CRACD: variants seen among roughly 807,000 people sequenced by gnomAD.
CRACD encodes capping protein inhibiting regulator of actin dynamics, also known as capping protein-inhibiting regulator of actin dynamics.
CRACD carries 56 observed loss-of-function variants against 106.8 expected under a neutral mutation model. The observed-to-expected ratio is 0.52, with a 90% CI of 0.42 to 0.66. The LOEUF is 0.66. CRACD is among the 30% of genes least tolerant of loss of function. The pLI is 0.00. For synonymous variants in CRACD, 754 were observed against 670.8 expected (o/e 1.12, Z -1.92); for missense variants, 1,730 against 1,623.2 (o/e 1.07, Z -1.13).
rs376992703 is a variant in CRACD at position 56,185,148 on chromosome 4, A to G, written c.-189+5718A>G. The stretch of plus-strand genomic sequence containing the variant: ...ATTTTTTTATATTTTTAGTAGAGAC[A>G]GGGTTTCACTGTGTTAGCCAGGATG... On this transcript the variant is annotated intron_variant, in intron 2 of 10. Transcript: ENST00000682029. Among the ~76,000 whole-genome samples the G allele has an allele frequency of 1.1e-3, 162 of 152,116 alleles. No individual in the cohort carries two copies. In the Middle Eastern group the frequency reaches 0.017, roughly 16 times the overall value.
chr4:56,323,278 A>G (rs1042525379), intron 8 of CRACD, 99 bp from the exon 9 acceptor site: 2 of 1,054,760 alleles, frequency 1.9e-6, no homozygotes, highest in Non-Finnish European at 2.8e-6. Flanking sequence ...TGAATATGCC[A>G]TAGGGTTATT....
Position 56,313,347 on chromosome 4 carries a change from A to G in CRACD, c.505A>G (p.Arg169Gly), listed in dbSNP as rs1745280375. The change falls in exon 7 of 11, where the codon AGG becomes GGG. Residue 169 changes from arginine to glycine, a missense_variant. Physicochemically the swap from Arg to Gly is moderately radical, Grantham distance 125. This residue lies in a region of CRACD where 1,620 missense variants were observed against 1,481.6 expected (regional missense o/e 1.09). Transcript: ENST00000682029. ...GCTGGCTGTTAAGCCAAAAAAACAG[A>G]GGGTGTCAAAGAAGCACAGGCGCCT... is the stretch of plus-strand genomic sequence containing the variant. ...HKLAVKPKKQ[R>G]VSKKHRRLAQ... 6.2e-7 allele frequency: 1 copy of G among 1,613,996 alleles called. No individual in the cohort carries two copies. Among genetic ancestry groups the G allele is most frequent in the African/African-American group, 1.3e-5 (1 of 74,934 alleles).
At position 56,315,224 on chromosome 4, in the gene CRACD, G is replaced by A; in HGVS notation, c.1722G>A (p.Lys574=). 6.3e-7 allele frequency: 1 copy of A among 1,595,444 alleles called. No individual in the cohort carries two copies. Among genetic ancestry groups the A allele is most frequent in the South Asian group, 1.1e-5 (1 of 88,624 alleles). The change falls in exon 8 of 11, where the codon AAG becomes AAA. Residue 574 remains lysine (K), a synonymous_variant. Coordinates refer to ENST00000682029, the MANE Select transcript of CRACD (RefSeq NM_001393381.1). This position sits in a 1 kb window ranked among gnomAD's most constrained non-coding sequence, Gnocchi z 4.1. ...TGLTAAPQEP[K]APKASPVQHA... ...TCACCGCTGCTCCCCAGGAACCAAA[G>A]GCCCCCAAAGCCAGCCCAGTCCAGC...
chr4:56,177,058 C>G (rs1015627743), intron 1 of CRACD, among the ~76,000 whole-genome samples: 1 of 152,006 alleles, frequency 6.6e-6, no homozygotes, highest in Non-Finnish European at 1.5e-5. Flanking sequence ...ATTTCCTTTT[C>G]TTGTCTAATT....
intron 3 of CRACD, among the ~76,000 whole-genome samples, chr4:56,284,916 C>T (rs142334449): frequency 1.3e-5 from 2 of 152,260 alleles, no homozygotes; most frequent in Non-Finnish European, 1.5e-5. Flanking sequence ...AAGGTTTGAG[C>T]TGGATCTCAA....
At chr4:56,164,010 G>C (rs1736051885) in intron 1 of CRACD, among the ~76,000 whole-genome samples, 1 of 152,202 alleles carries the variant, frequency 6.6e-6, no homozygotes, top group Non-Finnish European at 1.5e-5. Flanking sequence ...GCCTCCCAAA[G>C]TGCTGGGATT....
At chr4:56,176,073 A>C (rs1736571725) in intron 1 of CRACD, among the ~76,000 whole-genome samples, 1 of 152,078 alleles carries the variant, frequency 6.6e-6, no homozygotes, top group Non-Finnish European at 1.5e-5. Flanking sequence ...CCTTTGTTGA[A>C]AATTATTTTG....
chr4:56,203,879 C>T (rs1311241577), intron 2 of CRACD, among the ~76,000 whole-genome samples: 1 of 152,218 alleles, frequency 6.6e-6, no homozygotes, highest in South Asian at 2.1e-4. Context: ...CTGAGTTCAT[C>T]TAGTACCTGC....
intron 3 of CRACD, among the ~76,000 whole-genome samples, chr4:56,292,528 A>AT (rs879473883): frequency 2.0e-3 from 286 of 145,932 alleles, no homozygotes; most frequent in South Asian, 5.9e-3. Context: ...CAGCCTCTAA[A>AT]TTTTTTTTTT....
intron 1 of CRACD, among the ~76,000 whole-genome samples, chr4:56,175,617 G>A (rs1455266611): frequency 2.0e-5 from 3 of 152,036 alleles, no homozygotes; most frequent in African/African-American, 7.2e-5. Flanking sequence ...ATCCTCTTTT[G>A]CCATTTTTAA....
chr4:56,208,368 T>C (rs1738231955), intron 2 of CRACD, among the ~76,000 whole-genome samples: 1 of 152,186 alleles, frequency 6.6e-6, no homozygotes, highest in Non-Finnish European at 1.5e-5. Context: ...CTCCAGGTTC[T>C]AGATTGTGAA....
In CRACD at chr4:56,131,309, T is replaced by C. The variant is rs150780978; in HGVS notation, c.-335-47975T>C. Among the ~76,000 whole-genome samples the C allele has an allele frequency of 4.5e-3, 682 of 152,326 alleles. 19 individuals carry two copies. In the East Asian group the frequency reaches 0.065, roughly 14 times the overall value. ...ATTTTACAAAGTTGTAGAGTTTGAA[T>C]GGGTTGACCTAATGTGCCACAGAAT... On this transcript the variant is annotated intron_variant, in intron 1 of 10. Coordinates refer to ENST00000682029, the MANE Select transcript of CRACD (RefSeq NM_001393381.1).
chr4:56,250,174 C>T (rs573239833), intron 2 of CRACD, among the ~76,000 whole-genome samples: 1 of 151,972 alleles, frequency 6.6e-6, no homozygotes, highest in Admixed American at 6.5e-5. Context: ...TTCTCCTTTC[C>T]CTTCTTTTCT....
chr4:56,104,373 G>A (rs1425654107), intron 1 of CRACD, among the ~76,000 whole-genome samples: 2 of 151,704 alleles, frequency 1.3e-5, no homozygotes, highest in East Asian at 2.0e-4. Flanking sequence ...TAGCCTGGGC[G>A]ACAGAGAGAG....
intron 3 of CRACD, among the ~76,000 whole-genome samples, chr4:56,282,399 G>A (rs969479617): frequency 6.6e-6 from 1 of 152,160 alleles, no homozygotes; most frequent in Non-Finnish European, 1.5e-5. Flanking sequence ...TCCCTCTGTA[G>A]GCTCACACTC....
chr4:56,099,160 C>T lies in CRACD; in HGVS notation c.-336+49861C>T, dbSNP rs149490596. 2.3e-3 allele frequency among the ~76,000 whole-genome samples: 348 copies of T among 152,230 alleles called. 2 individuals carry two copies. Among genetic ancestry groups the T allele is most frequent in the African/African-American group, 8.0e-3 (334 of 41,542 alleles). ...GAATAATCAAAGTTTATTTTGAAAA[C>T]TTTGTCTTTCAAGAGTATTGTAGCT... On this transcript the variant is annotated intron_variant, in intron 1 of 10. Coordinates refer to ENST00000682029, the MANE Select transcript of CRACD (RefSeq NM_001393381.1).
intron 2 of CRACD, among the ~76,000 whole-genome samples, chr4:56,223,749 G>A (rs1739164940): frequency 6.6e-6 from 1 of 152,096 alleles, no homozygotes; most frequent in South Asian, 2.1e-4. Flanking sequence ...TGTTTTAATT[G>A]TTACTGTTAC....
intron 1 of CRACD, among the ~76,000 whole-genome samples, chr4:56,097,732 A>T (rs1366618771): frequency 1.3e-5 from 2 of 152,176 alleles, no homozygotes; most frequent in Non-Finnish European, 2.9e-5. Context: ...GGTCAATGGC[A>T]TGTAGGTCCA....
chr4:56,309,643 C>T (rs1744994213), intron 5 of CRACD, among the ~76,000 whole-genome samples: 1 of 152,118 alleles, frequency 6.6e-6, no homozygotes. Context: ...CACCTGAACT[C>T]AGGAGTTCGA....
Sources: gnomAD v4.1 joint callset for allele counts (sites outside exome capture counted in the v4.1 genomes callset) on GRCh38, gnomAD v4.1.1 for gene constraint, gnomAD v4.1.1 regional missense constraint, Gnocchi (gnomAD v3.1) non-coding constraint, MANE v1.5 for transcripts, NCBI Gene and HGNC (gene_info 2026-07-23, HGNC 2026-07-21) for gene names.